The following LRP1B variants were observed in gnomAD, a reference collection of about 807,000 sequenced individuals.
LRP1B encodes the protein low-density lipoprotein receptor-related protein 1B.
LRP1B carries 217 observed loss-of-function variants against 556.6 expected under a neutral mutation model. The observed-to-expected ratio is 0.39, with a 90% CI of 0.35 to 0.44. The LOEUF is 0.44. Among genes scored for constraint, LRP1B ranks in the 20% least tolerant of loss-of-function variants. The pLI is 1.00. For synonymous variants in LRP1B, 2,047 were observed against 1,865.8 expected, an observed-to-expected ratio of 1.10 and a Z score of -2.50; for missense variants, 5,053 against 5,620.8, an observed-to-expected ratio of 0.90 and a Z score of 3.23.
chr2:141,092,869 A>T (rs1233687812), intron 7 of LRP1B, among the ~76,000 whole-genome samples: 1 of 152,186 alleles, frequency 6.6e-6, no homozygotes, highest in Non-Finnish European at 1.5e-5. Context: ...CCTCGATAAG[A>T]GTAGTTGCAT....
chr2:140,769,368 G>A (rs778521542), intron 34 of LRP1B, 24 bp from the exon 35 acceptor site: 4 of 1,571,110 alleles, frequency 2.5e-6, no homozygotes, highest in East Asian at 4.6e-5. Context: ...CGGAGATAAG[G>A]GGGGGAAGGG....
intron 6 of LRP1B, among the ~76,000 whole-genome samples, chr2:141,201,793 A>C (rs933848622): frequency 4.6e-5 from 7 of 152,160 alleles, no homozygotes; most frequent in African/African-American, 1.7e-4. Flanking sequence ...TTCTGGACTG[A>C]ATACTTTTAG....
At chr2:140,772,431 T>C (rs1474240043) in intron 33 of LRP1B, among the ~76,000 whole-genome samples, 1 of 152,076 alleles carries the variant, frequency 6.6e-6, no homozygotes, top group Non-Finnish European at 1.5e-5. Flanking sequence ...TGCCTCAGCC[T>C]CCTGAGTAGC....
chr2:141,066,594 C>T (rs1390408331), intron 7 of LRP1B, among the ~76,000 whole-genome samples: 1 of 151,884 alleles, frequency 6.6e-6, no homozygotes, highest in Non-Finnish European at 1.5e-5. Flanking sequence ...TGCTTCTGTA[C>T]TTTAACTCAA....
At chr2:141,972,332 T>C (rs941514475) in intron 1 of LRP1B, among the ~76,000 whole-genome samples, 1 of 151,608 alleles carries the variant, frequency 6.6e-6, no homozygotes, top group Non-Finnish European at 1.5e-5. Flanking sequence ...TTAAATGTTA[T>C]ATATGCATAT....
chr2:142,119,815 C>T (rs1479725589), intron 1 of LRP1B, among the ~76,000 whole-genome samples: 2 of 151,964 alleles, frequency 1.3e-5, no homozygotes, highest in Admixed American at 1.3e-4. Context: ...CCGTTTGATC[C>T]GTATCCACAA....
intron 3 of LRP1B, among the ~76,000 whole-genome samples, chr2:141,351,219 C>T (rs976073143): frequency 6.6e-6 from 1 of 151,950 alleles, no homozygotes; most frequent in Non-Finnish European, 1.5e-5. Context: ...TTCCATTCTA[C>T]CAATAACTTC....
intron 84 of LRP1B, among the ~76,000 whole-genome samples, chr2:140,283,299 T>C (rs748008950): frequency 2.6e-4 from 40 of 151,822 alleles, no homozygotes; most frequent in Non-Finnish European, 4.9e-4. Flanking sequence ...AATTAAACTT[T>C]AGTGCATAGT....
intron 3 of LRP1B, among the ~76,000 whole-genome samples, chr2:141,397,696 C>T (rs759834797): frequency 6.6e-6 from 1 of 151,624 alleles, no homozygotes; most frequent in African/African-American, 2.4e-5. Flanking sequence ...CATATTCTCA[C>T]GTGGTAGTGA....
chr2:142,017,820 C>A (rs911492410), intron 1 of LRP1B, among the ~76,000 whole-genome samples: 5 of 152,112 alleles, frequency 3.3e-5, no homozygotes, highest in Non-Finnish European at 7.4e-5. Flanking sequence ...AGGTCAAGGG[C>A]ACAGTGAGCC....
Position 140,796,695 on chromosome 2 carries a change from C to T in LRP1B, c.5359+16962G>A, listed in dbSNP as rs563118728. On this transcript the variant is annotated intron_variant, in intron 32 of 90. Transcript: ENST00000389484. ...TTGAACTAAGTGACATTGCTCAGTG[C>T]GCACTGCAAAGTAACTTATCTCTTT... is the stretch of plus-strand genomic sequence containing the variant. Among the ~76,000 whole-genome samples the T allele has an allele frequency of 2.7e-4, 41 of 152,112 alleles. 1 individual carries two copies. The highest frequency in any genetic ancestry group is 7.5e-4 in the African/African-American group (31 of 41,534).
chr2:142,038,956 C>A (rs1228575289), intron 1 of LRP1B, among the ~76,000 whole-genome samples: 1 of 151,474 alleles, frequency 6.6e-6, no homozygotes, highest in Admixed American at 6.6e-5. Context: ...TTTTCTTGCT[C>A]AAGTTTTCCT....
At chr2:141,685,488 C>A (rs1308594785) in intron 2 of LRP1B, among the ~76,000 whole-genome samples, 1 of 151,842 alleles carries the variant, frequency 6.6e-6, no homozygotes, top group Non-Finnish European at 1.5e-5. Context: ...TAATGCCCAC[C>A]CTCAAATAAG....
intron 7 of LRP1B, among the ~76,000 whole-genome samples, chr2:141,122,588 A>T (rs1701087879): frequency 6.6e-6 from 1 of 152,142 alleles, no homozygotes; most frequent in East Asian, 1.9e-4. Context: ...ATCATTAAAA[A>T]GTCAGGAAAC....
At chr2:141,660,814 C>A (rs1268421965) in intron 2 of LRP1B, among the ~76,000 whole-genome samples, 1 of 152,206 alleles carries the variant, frequency 6.6e-6, no homozygotes, top group African/African-American at 2.4e-5. Context: ...ACACCTTCCA[C>A]CAATGAGCAC....
intron 3 of LRP1B, among the ~76,000 whole-genome samples, chr2:141,365,655 C>CT (rs781538829): frequency 0.02 from 2,408 of 121,106 alleles, 80 homozygotes; most frequent in African/African-American, 0.035. Context: ...GTTTTTGTTG[C>CT]TTTTTTTTTT....
intron 1 of LRP1B, among the ~76,000 whole-genome samples, chr2:141,925,076 T>C: frequency 6.6e-6 from 1 of 152,166 alleles, no homozygotes; most frequent in East Asian, 1.9e-4. Flanking sequence ...GGAATAGATA[T>C]AACAATGGCA....
chr2:140,523,535 G>A (rs552823022), intron 49 of LRP1B, among the ~76,000 whole-genome samples: 5 of 132,442 alleles, frequency 3.8e-5, no homozygotes, highest in Non-Finnish European at 6.5e-5. Flanking sequence ...ATCTTAGCCC[G>A]AGCAATCAGG....
intron 66 of LRP1B, among the ~76,000 whole-genome samples, chr2:140,403,408 A>C (rs1324297603): frequency 1.3e-5 from 2 of 152,144 alleles, no homozygotes; most frequent in Non-Finnish European, 2.9e-5. Flanking sequence ...TTTTCGAGAG[A>C]GATAGATGTC....
Sources: gnomAD v4.1 joint callset for allele counts (sites outside exome capture counted in the v4.1 genomes callset) on GRCh38, gnomAD v4.1.1 for gene constraint, MANE v1.5 for transcripts, NCBI Gene and HGNC (gene_info 2026-07-23, HGNC 2026-07-21) for gene names.